Variants in ZDHHC9 observed in about 807,000 individuals in gnomAD.
ZDHHC9 encodes the protein zDHHC palmitoyltransferase 9.
Under a neutral mutation model 26.6 loss-of-function variants are expected in ZDHHC9, and 3 were observed. The observed-to-expected ratio is 0.11, with a 90% confidence interval of 0.05 to 0.29. ZDHHC9 has a LOEUF of 0.29. ZDHHC9 is among the 10% of genes least tolerant of loss of function. ZDHHC9 has a pLI of 1.00. For missense variants in ZDHHC9, 146 were observed against 296.4 expected, an observed-to-expected ratio of 0.49 and a Z score of 3.73; for synonymous variants, 111 against 109.4, an observed-to-expected ratio of 1.01 and a Z score of -0.09.
At chrX:129,819,586 T>A (rs1422897585) in intron 5 of ZDHHC9, among the ~76,000 whole-genome samples, 1 of 111,966 alleles carries the variant, frequency 8.9e-6, no homozygotes, top group African/African-American at 3.2e-5. Context: ...TTAGATTTTT[T>A]AAAAATAGGT....
At chrX:129,829,237 A>G in intron 3 of ZDHHC9, 96 bp from the exon 4 acceptor site, 1 of 979,884 alleles carries the variant, frequency 1.0e-6, no homozygotes. Flanking sequence ...CAACAGAATC[A>G]GCAGCACCTC....
rs1166885280 is a variant in ZDHHC9 at position 129,805,619 on chromosome X, T to C, written c.*751A>G. On this transcript the variant is annotated 3_prime_UTR_variant, in exon 11 of 11. Transcript: ENST00000357166. ...ATGAGACAGAGAGTGTGAAGGGCTA[T>C]GCCGCTGGCATCTCATAAATTCTTA... 1 of 112,317 alleles carries C rather than the reference T, an allele frequency of 8.9e-6. No homozygotes were observed. Among genetic ancestry groups the C allele is most frequent in the Non-Finnish European group, 1.9e-5 (1 of 53,185 alleles). 9.3% of individuals were successfully genotyped at this position (112,317 alleles called of 1,213,427 possible). A position where few individuals can be genotyped will look rare whatever the true frequency, so the allele number is the denominator to read the frequency against.
chrX:129,829,248 A>C, intron 3 of ZDHHC9, 107 bp from the exon 4 acceptor site: 266 of 894,325 alleles, frequency 3.0e-4, no homozygotes, highest in Non-Finnish European at 3.9e-4. Context: ...GCAGCACCTC[A>C]AGGGCAGGGA....
intron 6 of ZDHHC9, among the ~76,000 whole-genome samples, chrX:129,814,429 A>T (rs1364706454): frequency 8.9e-6 from 1 of 112,069 alleles, no homozygotes; most frequent in Non-Finnish European, 1.9e-5. Flanking sequence ...TTATGGCCCC[A>T]GTGCCCAGCA....
rs1389691902 is a variant in ZDHHC9, at chrX:129,810,998, C to T, written c.885G>A (p.Val295=). ...GTGGCAAAATACCCCTTCGATCCAGCACACTGAAGGAGATAAGAGAGTTAA... is the reference window on the plus strand; with the variant it reads ...GTGGCAAAATACCCCTTCGATCCAGTACACTGAAGGAGATAAGAGAGTTAA... ...EVLCGPLPPS[V]LDRRGILPLE... is the part of the protein sequence containing the mutation. Residue 295 remains valine, a synonymous_variant, in exon 10 of 11, where the codon GTG becomes GTA. Transcript: ENST00000357166. 1 of 1,207,879 alleles carries T rather than the reference C, an allele frequency of 8.3e-7. No homozygotes were observed. Among genetic ancestry groups the T allele is most frequent in the Middle Eastern group, 2.3e-4 (1 of 4,331 alleles).
In ZDHHC9 at chrX:129,812,867, T is replaced by G. The variant is rs779078629; in HGVS notation, c.675-47A>C. 1.9e-5 allele frequency: 17 copies of G among 916,370 alleles called. No individual in the cohort carries two copies. The South Asian group carries it at 3.1e-4, about 17-fold the overall frequency. The allele number at this position is 916,370 out of a possible 1,213,427, so 75.5% of individuals were successfully genotyped here. On this transcript the variant is annotated intron_variant, in intron 7 of 10. Transcript: ENST00000357166. ...TTGAAGAACTCAACATCAGGAGACTTGATGCCTCCGCCCATATTCAGAGCA... is the reference window on the plus strand; with the variant it reads ...TTGAAGAACTCAACATCAGGAGACTGGATGCCTCCGCCCATATTCAGAGCA...
chrX:129,806,425 A>G lies in ZDHHC9; in HGVS notation c.1040T>C (p.Met347Thr). 8.3e-7 allele frequency: 1 copy of G among 1,211,852 alleles called. No individual in the cohort carries two copies. Among genetic ancestry groups the G allele is most frequent in the Non-Finnish European group, 1.1e-6 (1 of 895,547 alleles). The change falls in exon 11 of 11, where the codon ATG (methionine) becomes ACG (threonine). Residue 347 changes from methionine to threonine, a missense_variant. Met to Thr is a moderately conservative substitution (Grantham distance 81). This residue lies in a region of ZDHHC9 where 46 missense variants were observed against 46.4 expected (regional missense o/e 0.99). Transcript: ENST00000357166. ...MPEDSSTPEEMPPPEPPEPPQ... is the reference protein window; with the variant it reads ...MPEDSSTPEETPPPEPPEPPQ... ...TGGCTCTGGGGGCTCTGGAGGTGGC[A>G]TCTCTTCGGGAGTGCTGCTGTCCTC...
chrX:129,824,905 C>A (rs1348719079), intron 4 of ZDHHC9, among the ~76,000 whole-genome samples: 1 of 112,299 alleles, frequency 8.9e-6, no homozygotes, highest in Non-Finnish European at 1.9e-5. Flanking sequence ...TAAAACAATA[C>A]TATCTTGCAA....
chrX:129,809,779 T>C (rs948174112), intron 10 of ZDHHC9, among the ~76,000 whole-genome samples: 6 of 109,090 alleles, frequency 5.5e-5, no homozygotes, highest in African/African-American at 2.0e-4. Flanking sequence ...GGGCAGATCA[T>C]CTGAGGTCAG....
At chrX:129,819,065 C>T (rs1360436045) in intron 5 of ZDHHC9, among the ~76,000 whole-genome samples, 5 of 102,739 alleles carry the variant, frequency 4.9e-5, no homozygotes, top group Non-Finnish European at 9.7e-5. Flanking sequence ...CCCAGCTACT[C>T]GGGAGGCTGA....
chrX:129,828,459 T>C (rs1928070522), intron 4 of ZDHHC9, among the ~76,000 whole-genome samples: 1 of 109,035 alleles, frequency 9.2e-6, no homozygotes, highest in African/African-American at 3.4e-5. Context: ...CCGTCTCTAC[T>C]AAAAATACAA....
intron 5 of ZDHHC9, among the ~76,000 whole-genome samples, chrX:129,817,949 G>T (rs1381153405): frequency 9.0e-6 from 1 of 111,687 alleles, no homozygotes; most frequent in African/African-American, 3.3e-5. Context: ...TAGGTTTTGA[G>T]TCCTTGTTGT....
At chrX:129,837,783 C>G (rs1230039736) in intron 3 of ZDHHC9, among the ~76,000 whole-genome samples, 1 of 112,291 alleles carries the variant, frequency 8.9e-6, no homozygotes, top group Admixed American at 9.4e-5. Flanking sequence ...GACCTTGATC[C>G]CACTAGTGGC....
chrX:129,825,551 G>A (rs1013005422), intron 4 of ZDHHC9, among the ~76,000 whole-genome samples: 2 of 110,590 alleles, frequency 1.8e-5, no homozygotes, highest in Non-Finnish European at 3.8e-5. Flanking sequence ...TCATATACGT[G>A]TACTATGATT....
intron 8 of ZDHHC9, among the ~76,000 whole-genome samples, chrX:129,812,244 C>T (rs1001457611): frequency 4.5e-5 from 5 of 111,555 alleles, no homozygotes; most frequent in African/African-American, 9.8e-5. Flanking sequence ...CTAACACATC[C>T]GGCTATATTT....
At chrX:129,813,037 T>C (rs1001563554) in intron 7 of ZDHHC9, among the ~76,000 whole-genome samples, 1 of 112,224 alleles carries the variant, frequency 8.9e-6, no homozygotes, top group Non-Finnish European at 1.9e-5. Context: ...GGTGTGCCTA[T>C]TTACCCATCA....
rs1008889035 is a variant in ZDHHC9, at chrX:129,842,116, A to C, written c.-135-36T>G. The C allele has an allele frequency of 5.4e-6, 3 of 553,553 alleles. No homozygotes were observed. The Admixed American group carries it at 1.0e-4, about 19-fold the overall frequency. 45.6% of individuals were successfully genotyped at this position (553,553 alleles called of 1,213,427 possible). On this transcript the variant is annotated intron_variant, in intron 2 of 10. Transcript: ENST00000357166. Reference sequence around the variant, plus strand: ...GCAGAAAAAGAAAAAAAAATGAGGCAATAATAAGAAAATACAGTTCAACCC... The same window carrying C: ...GCAGAAAAAGAAAAAAAAATGAGGCCATAATAAGAAAATACAGTTCAACCC...
chrX:129,842,498 C>T (rs1928405177), intron 2 of ZDHHC9, among the ~76,000 whole-genome samples: 1 of 112,953 alleles, frequency 8.9e-6, no homozygotes, highest in South Asian at 3.6e-4. Context: ...GCATGTTCCA[C>T]TATGCCACAG....
chrX:129,811,133 C>G (rs887526913), intron 9 of ZDHHC9, 132 bp from the exon 10 acceptor site: 1 of 539,221 alleles, frequency 1.9e-6, no homozygotes, highest in Non-Finnish European at 3.2e-6. Flanking sequence ...ACAGCACATG[C>G]CTCTTATCTC....
Sources: allele counts gnomAD v4.1 joint callset (sites outside exome capture counted in the v4.1 genomes callset), GRCh38; gene constraint gnomAD v4.1.1; regional missense constraint gnomAD v4.1.1; transcripts MANE v1.5; gene names NCBI Gene and HGNC (gene_info 2026-07-23, HGNC 2026-07-21).